The following PDE7A variants were observed in gnomAD, a reference collection of about 807,000 sequenced individuals.
PDE7A encodes the protein high affinity 3',5'-cyclic-AMP phosphodiesterase 7A.
A neutral mutation model predicts 64.3 loss-of-function variants in PDE7A; 39 were observed. The observed-to-expected ratio is 0.61, with a 90% confidence interval of 0.47 to 0.79. The LOEUF is 0.79. Among genes scored for constraint, PDE7A ranks in the 30% least tolerant of loss-of-function variants. The pLI, the probability that PDE7A is intolerant of heterozygous loss-of-function variation, is 0.00. For missense variants in PDE7A, 470 were observed against 582.8 expected (o/e 0.81, Z 1.99); for synonymous variants, 203 against 206.8 (o/e 0.98, Z 0.16).
intron 2 of PDE7A, 88 bp downstream of exon 2, chr8:65,782,695 A>C: frequency 1.4e-6 from 1 of 700,640 alleles, no homozygotes; most frequent in African/African-American, 1.8e-5. Flanking sequence ...AGTGATGAAA[A>C]GCTATCTAAT....
At chr8:65,758,144 G>A (rs1395219358) in intron 3 of PDE7A, among the ~76,000 whole-genome samples, 1 of 152,136 alleles carries the variant, frequency 6.6e-6, no homozygotes, top group African/African-American at 2.4e-5. Context: ...CCCATTCATA[G>A]AGGGTAGGGT....
chr8:65,796,748 A>T (rs1346516318), intron 1 of PDE7A, among the ~76,000 whole-genome samples: 1 of 152,208 alleles, frequency 6.6e-6, no homozygotes, highest in East Asian at 1.9e-4. Context: ...TGTACTTAAC[A>T]ATAAGACTAA....
rs1366567757 is a variant in PDE7A at position 65,793,224 on chromosome 8, T to G, written c.139-10381A>C. Among the ~76,000 whole-genome samples the G allele has an allele frequency of 2.0e-5, 3 of 152,288 alleles. No individual in the cohort carries two copies. In the East Asian group the frequency reaches 5.8e-4, roughly 29 times the overall value. ...CCAATTCTTCAAACTAGTGGAAGAATTCTAGAAGTAGCCAACAAGACTCTT... is the reference window on the plus strand; with the variant it reads ...CCAATTCTTCAAACTAGTGGAAGAAGTCTAGAAGTAGCCAACAAGACTCTT... On this transcript the variant is annotated intron_variant, in intron 1 of 12. Transcript: ENST00000401827.
At position 65,745,451 on chromosome 8, in the gene PDE7A, C is replaced by A; in HGVS notation, c.455G>T (p.Gly152Val). ...TAGAAAGATATCAAAATTCCAATTT[C>A]CAACTTTTTCCAGCATACACTGAAA... ...GQAKCMLEKVGNWNFDIFLFD... is the reference protein window; with the variant it reads ...GQAKCMLEKVVNWNFDIFLFD... The change falls in exon 5 of 13, where the codon GGA (glycine) becomes GTA (valine). Residue 152 changes from glycine (G) to valine (V), a missense_variant. Coordinates refer to ENST00000401827, the MANE Select transcript of PDE7A (RefSeq NM_001242318.3). The A allele has an allele frequency of 6.4e-7, 1 of 1,566,074 alleles. No individual in the cohort carries two copies. The highest frequency in any genetic ancestry group is 8.8e-7 in the Non-Finnish European group (1 of 1,136,456).
At chr8:65,814,233 C>T (rs553826283) in intron 1 of PDE7A, among the ~76,000 whole-genome samples, 20 of 151,990 alleles carry the variant, frequency 1.3e-4, no homozygotes, top group Admixed American at 3.9e-4. Context: ...GACTTTCGGC[C>T]GGGCGCGGTG....
intron 1 of PDE7A, among the ~76,000 whole-genome samples, chr8:65,817,555 T>C (rs546835877): frequency 6.6e-6 from 1 of 152,278 alleles, no homozygotes; most frequent in South Asian, 2.1e-4. Context: ...TCCTCTGCCC[T>C]GTAATAATTT....
intron 2 of PDE7A, 47 bp downstream of exon 2, chr8:65,782,736 G>T: frequency 9.9e-7 from 1 of 1,013,340 alleles, no homozygotes; most frequent in Non-Finnish European, 1.5e-6. Context: ...ATAACAACAG[G>T]TAATAACAAA....
intron 1 of PDE7A, among the ~76,000 whole-genome samples, chr8:65,810,386 T>C (rs1810231684): frequency 6.6e-6 from 1 of 151,902 alleles, no homozygotes; most frequent in Non-Finnish European, 1.5e-5. Flanking sequence ...TTAGAAGAAA[T>C]ACCTAATGTA....
intron 3 of PDE7A, among the ~76,000 whole-genome samples, chr8:65,753,062 GTTTAA>G (rs756089759): frequency 5.3e-5 from 8 of 152,148 alleles, no homozygotes; most frequent in African/African-American, 9.6e-5. Flanking sequence ...TAAAGCTATT[GTTTAA>G]TTTAATTTTT....
At chr8:65,756,064 T>C (rs1808229554) in intron 3 of PDE7A, among the ~76,000 whole-genome samples, 2 of 152,260 alleles carry the variant, frequency 1.3e-5, no homozygotes, top group Non-Finnish European at 2.9e-5. Flanking sequence ...TTGTTTTTGT[T>C]TTCAGGACTG....
intron 5 of PDE7A, among the ~76,000 whole-genome samples, chr8:65,740,140 A>G (rs1807343626): frequency 7.8e-6 from 1 of 128,698 alleles, no homozygotes; most frequent in Non-Finnish European, 1.6e-5. Flanking sequence ...GCTTTTCCAG[A>G]GTAGCTGCAG....
At chr8:65,793,091 T>C (rs1809744006) in intron 1 of PDE7A, among the ~76,000 whole-genome samples, 1 of 152,192 alleles carries the variant, frequency 6.6e-6, no homozygotes, top group African/African-American at 2.4e-5. Flanking sequence ...AGAAAGTCTC[T>C]GGTGACATTC....
chr8:65,802,807 T>C (rs1810025461), intron 1 of PDE7A, among the ~76,000 whole-genome samples: 1 of 152,194 alleles, frequency 6.6e-6, no homozygotes, highest in African/African-American at 2.4e-5. Context: ...GAATCCCCAA[T>C]GTTGGAAGTG....
At chr8:65,722,359 C>A (rs1022736298) in intron 12 of PDE7A, 2 of 152,286 alleles carry the variant, frequency 1.3e-5, no homozygotes, top group Non-Finnish European at 2.9e-5. Flanking sequence ...CCATGAGTAT[C>A]CATTGCAATC....
intron 3 of PDE7A, among the ~76,000 whole-genome samples, chr8:65,758,865 A>G (rs1173207632): frequency 1.3e-5 from 2 of 152,160 alleles, no homozygotes; most frequent in Non-Finnish European, 2.9e-5. Context: ...GTAGCCCCCC[A>G]GGGCTACCAG....
intron 3 of PDE7A, among the ~76,000 whole-genome samples, chr8:65,761,702 G>A (rs1585887387): frequency 6.6e-6 from 1 of 152,158 alleles, no homozygotes; most frequent in African/African-American, 2.4e-5. Context: ...TAGTGATCAC[G>A]GGTATTACTT....
chr8:65,714,616 C>T lies in PDE7A; in HGVS notation c.*4674G>A, dbSNP rs1276056721. The T allele has an allele frequency of 6.6e-6, 1 of 152,120 alleles. No homozygotes were observed. The highest frequency in any genetic ancestry group is 1.5e-5 in the Non-Finnish European group (1 of 68,030). The allele number at this position is 152,120 out of a possible 1,614,324, so 9.4% of individuals were successfully genotyped here. On this transcript the variant is annotated 3_prime_UTR_variant, in exon 13 of 13. Transcript: ENST00000401827. Reference sequence around the variant, plus strand: ...ATTAATATGCACATTTCTTTGAAAGCAATACTGAATTCCTATTAGCTATTG... The same window carrying T: ...ATTAATATGCACATTTCTTTGAAAGTAATACTGAATTCCTATTAGCTATTG...
Position 65,718,572 on chromosome 8 carries a change from C to G in PDE7A, c.*718G>C, listed in dbSNP as rs2129062746. On this transcript the variant is annotated 3_prime_UTR_variant, in exon 13 of 13. Transcript: ENST00000401827. ...CCCACCCCAAATTAAAAACTAATTG[C>G]TAAAAAAAATTGCATTGCCAAACGG... is the stretch of plus-strand genomic sequence containing the variant. 6.6e-6 allele frequency: 1 copy of G among 152,396 alleles called. No individual in the cohort carries two copies. The highest frequency in any genetic ancestry group is 3.4e-3 in the Middle Eastern group (1 of 294). The allele number at this position is 152,396 out of a possible 1,614,324, so 9.4% of individuals were successfully genotyped here.
At position 65,787,411 on chromosome 8, in the gene PDE7A, C is replaced by T. The variant is rs144497768; in HGVS notation, c.139-4568G>A. Among the ~76,000 whole-genome samples the T allele has an allele frequency of 8.3e-3, 1,257 of 152,184 alleles. 12 individuals are homozygous for T. The highest frequency in any genetic ancestry group is 0.029 in the African/African-American group (1,207 of 41,490). On this transcript the variant is annotated intron_variant, in intron 1 of 12. Coordinates refer to ENST00000401827, the MANE Select transcript of PDE7A (RefSeq NM_001242318.3). ...AATAATAATATAGCAAAAGATGAAG[C>T]CCAGCCAAAGTTGTGAAGTCAATTT...
Sources: gnomAD v4.1 joint callset for allele counts (sites outside exome capture counted in the v4.1 genomes callset) on GRCh38, gnomAD v4.1.1 for gene constraint, MANE v1.5 for transcripts, NCBI Gene and HGNC (gene_info 2026-07-23, HGNC 2026-07-21) for gene names.